Variants in SNX29 observed in about 807,000 individuals in gnomAD.
The protein encoded by SNX29 is sorting nexin-29.
Under a neutral mutation model 102.1 loss-of-function variants are expected in SNX29, and 78 were observed. The observed-to-expected ratio is 0.76, with a 90% CI of 0.64 to 0.92. SNX29 has a LOEUF of 0.92. SNX29 is among the 40% of genes least tolerant of loss of function. The pLI is 0.00. For synonymous variants in SNX29, 580 were observed against 414.5 expected (o/e 1.40, Z -4.85); for missense variants, 1,280 against 1,061.7 (o/e 1.21, Z -2.86).
intron 11 of SNX29, chr16:12,086,783 A>G (rs1238540351): frequency 6.6e-6 from 1 of 152,172 alleles, no homozygotes; most frequent in Non-Finnish European, 1.5e-5. Context: ...TCATTTTTAA[A>G]AAACTTAATT....
intron 11 of SNX29, among the ~76,000 whole-genome samples, chr16:12,091,109 C>T (rs2052521661): frequency 6.6e-6 from 1 of 151,302 alleles, no homozygotes; most frequent in African/African-American, 2.4e-5. Flanking sequence ...TTTTACCTAC[C>T]ATAAACCAGG....
chr16:12,093,788 T>C (rs1361659715), intron 11 of SNX29: 2 of 152,230 alleles, frequency 1.3e-5, no homozygotes, highest in Admixed American at 1.3e-4. Flanking sequence ...CAGATACCTC[T>C]TGCAATTGTG....
At chr16:12,398,353 G>T (rs953494714) in intron 16 of SNX29, 93 bp from the exon 17 acceptor site, 1 of 1,345,428 alleles carries the variant, frequency 7.4e-7, no homozygotes, top group Non-Finnish European at 1.1e-6. Flanking sequence ...AAATGTTCAG[G>T]GATCTCTGAG....
Position 12,496,708 on chromosome 16 carries a change from A to G in SNX29, c.2178+18849A>G, listed in dbSNP as rs148722748. Among the ~76,000 whole-genome samples the G allele has an allele frequency of 6.9e-4, 105 of 151,946 alleles. No homozygotes were observed. The Middle Eastern group carries it at 0.017, about 25-fold the overall frequency. The stretch of plus-strand genomic sequence containing the variant: ...GTATTTTTAGTAGAGACAGGGTTTC[A>G]CCATGTTGGCCAGGCCGATCTCGAA... On this transcript the variant is annotated intron_variant, in intron 19 of 20. Transcript: ENST00000566228.
chr16:12,381,038 C>A (rs2083103436), intron 16 of SNX29, among the ~76,000 whole-genome samples: 1 of 88,404 alleles, frequency 1.1e-5, no homozygotes, highest in Non-Finnish European at 2.3e-5. Flanking sequence ...CACCCACCAT[C>A]CATCCACCCA....
At chr16:12,562,000 C>G (rs143532445) in intron 20 of SNX29, among the ~76,000 whole-genome samples, 1 of 152,154 alleles carries the variant, frequency 6.6e-6, no homozygotes, top group African/African-American at 2.4e-5. Context: ...ACAATGGACC[C>G]TGCAACCCAG....
At chr16:12,529,438 G>C (rs889516575) in intron 20 of SNX29, among the ~76,000 whole-genome samples, 1 of 152,164 alleles carries the variant, frequency 6.6e-6, no homozygotes, top group African/African-American at 2.4e-5. Flanking sequence ...CCAAGAATTC[G>C]CTCAGTGAGA....
intron 18 of SNX29, among the ~76,000 whole-genome samples, chr16:12,470,721 A>G (rs934849959): frequency 2.6e-5 from 4 of 152,200 alleles, no homozygotes; most frequent in Admixed American, 1.3e-4. Flanking sequence ...GCATTTGACA[A>G]TTAATTAGCC....
intron 14 of SNX29, among the ~76,000 whole-genome samples, chr16:12,251,476 G>A (rs1385361255): frequency 2.0e-5 from 3 of 152,184 alleles, no homozygotes; most frequent in Non-Finnish European, 4.4e-5. Flanking sequence ...GCCAAGGTGG[G>A]TGGATCACCT....
At chr16:12,380,962 A>C (rs1263651565) in intron 16 of SNX29, among the ~76,000 whole-genome samples, 3 of 47,864 alleles carry the variant, frequency 6.3e-5, no homozygotes, top group Non-Finnish European at 7.6e-5. Context: ...CCCATCCATC[A>C]ATTTCATCCA....
chr16:12,420,862 A>G (rs1208057663), intron 18 of SNX29, among the ~76,000 whole-genome samples: 1 of 152,196 alleles, frequency 6.6e-6, no homozygotes, highest in East Asian at 1.9e-4. Flanking sequence ...GGGGGAAGTG[A>G]TGAGCGAGGG....
intron 19 of SNX29, among the ~76,000 whole-genome samples, chr16:12,482,132 C>G (rs1472777680): frequency 6.6e-6 from 1 of 152,184 alleles, no homozygotes; most frequent in Non-Finnish European, 1.5e-5. Flanking sequence ...TACATTGGCC[C>G]AGAAAAATCC....
At chr16:12,466,299 A>G (rs1249219636) in intron 18 of SNX29, among the ~76,000 whole-genome samples, 1 of 152,242 alleles carries the variant, frequency 6.6e-6, no homozygotes, top group African/African-American at 2.4e-5. Flanking sequence ...TAATAAGTAA[A>G]TTGAGTAAAG....
intron 3 of SNX29, among the ~76,000 whole-genome samples, chr16:12,011,966 C>T (rs145122053): frequency 2.2e-4 from 34 of 152,232 alleles, no homozygotes; most frequent in African/African-American, 7.5e-4. Flanking sequence ...TTTTGTATGA[C>T]TAGACATACC....
chr16:12,562,448 C>T (rs143558959), intron 20 of SNX29, among the ~76,000 whole-genome samples: 5 of 152,196 alleles, frequency 3.3e-5, no homozygotes, highest in African/African-American at 1.2e-4. Context: ...GCTAGTTTGA[C>T]TTTGATCCCC....
chr16:12,494,282 C>T (rs1213279125), intron 19 of SNX29, among the ~76,000 whole-genome samples: 1 of 152,150 alleles, frequency 6.6e-6, no homozygotes, highest in Non-Finnish European at 1.5e-5. Flanking sequence ...GTGCCTCCTG[C>T]GTGCCTGGCC....
At position 12,519,765 on chromosome 16, in the gene SNX29, GATCACCTGAGGGCAGGAGT is replaced by G. The variant is rs1197146130; in HGVS notation, c.2179-4917_2179-4899del. Among the ~76,000 whole-genome samples, 40 of 152,214 alleles carry G rather than the reference GATCACCTGAGGGCAGGAGT, an allele frequency of 2.6e-4. 1 individual carries two copies. The highest frequency in any genetic ancestry group is 2.0e-3 in the Admixed American group (30 of 15,292). On this transcript the variant is annotated intron_variant, in intron 19 of 20. Coordinates refer to ENST00000566228, the MANE Select transcript of SNX29 (RefSeq NM_032167.5). ...GCACTTTGGGAGGCCGAGGCAGGTG[GATCACCTGAGGGCAGGAGT>G]ATCACCTGAGGGCAGGAGTTCGAGA...
intron 15 of SNX29, among the ~76,000 whole-genome samples, chr16:12,318,553 G>A (rs1484337123): frequency 1.3e-5 from 2 of 152,164 alleles, no homozygotes; most frequent in Non-Finnish European, 1.5e-5. Flanking sequence ...GGTAGAACCA[G>A]GACAGTAGTC....
chr16:12,125,756 C>T (rs2054188969), intron 11 of SNX29, among the ~76,000 whole-genome samples: 1 of 151,852 alleles, frequency 6.6e-6, no homozygotes, highest in Admixed American at 6.6e-5. Context: ...CGTGCCCGGC[C>T]TACATCTCTT....
Sources: gnomAD v4.1 joint callset for allele counts (sites outside exome capture counted in the v4.1 genomes callset) on GRCh38, gnomAD v4.1.1 for gene constraint, MANE v1.5 for transcripts, NCBI Gene and HGNC (gene_info 2026-07-23, HGNC 2026-07-21) for gene names.